P4HB: variants seen among roughly 807,000 people sequenced by gnomAD.
The protein encoded by P4HB is prolyl 4-hydroxylase subunit beta.
A neutral mutation model predicts 52.6 loss-of-function variants in P4HB; 20 were observed. That is an observed-to-expected ratio of 0.38 (90% CI 0.27 to 0.55). The LOEUF is 0.55. Among genes scored for constraint, P4HB ranks in the 20% least tolerant of loss-of-function variants. P4HB has a pLI of 0.74. For missense variants in P4HB, 601 were observed against 669.2 expected (o/e 0.90, Z 1.12); for synonymous variants, 296 against 277.9 (o/e 1.07, Z -0.65).
chr17:81,846,441 C>T lies in P4HB; in HGVS notation c.1044G>A (p.Glu348=). The change falls in exon 7 of 11, where the codon GAG becomes GAA. Residue 348 remains glutamate, a synonymous_variant. Coordinates refer to ENST00000331483, the MANE Select transcript of P4HB (RefSeq NM_000918.4). This position sits in a 1 kb window ranked among gnomAD's most constrained non-coding sequence, Gnocchi z 5.7. ...GACGCGCCTGCACCTTGATTTTGCC[C>T]TCCAGGAAGCGGTGGCAGAACTCTG... The part of the protein sequence containing the change: ...RITEFCHRFL[E]GKIKPHLMSQ... 6.2e-7 allele frequency: 1 copy of T among 1,613,440 alleles called. No individual in the cohort carries two copies. The highest frequency in any genetic ancestry group is 1.1e-5 in the South Asian group (1 of 91,086).
At chr17:81,860,199 G>T in intron 1 of P4HB, 128 bp downstream of exon 1, 1 of 769,988 alleles carries the variant, frequency 1.3e-6, no homozygotes, top group Non-Finnish European at 1.8e-6. Context: ...AAGGCGGGCA[G>T]CAAGGGAGCC....
intron 4 of P4HB, among the ~76,000 whole-genome samples, chr17:81,849,566 C>A: frequency 6.6e-6 from 1 of 152,146 alleles, no homozygotes; most frequent in African/African-American, 2.4e-5. Flanking sequence ...GTTTCTAATA[C>A]AACAGATCCT....
intron 10 of P4HB, among the ~76,000 whole-genome samples, chr17:81,844,708 C>T (rs535742015): frequency 7.9e-5 from 12 of 152,238 alleles, no homozygotes; most frequent in Non-Finnish European, 1.6e-4. Context: ...AGCCTTCCTG[C>T]TTCCCCGGCA....
chr17:81,845,480 T>A, intron 9 of P4HB, 81 bp downstream of exon 9: 1 of 1,387,404 alleles, frequency 7.2e-7, no homozygotes, highest in East Asian at 2.4e-5. Flanking sequence ...CCAGGCTCCT[T>A]CCAGAGAGGC....
At chr17:81,845,283 C>T in intron 9 of P4HB, 53 bp from the exon 10 acceptor site, 1 of 1,430,180 alleles carries the variant, frequency 7.0e-7, no homozygotes, top group Non-Finnish European at 9.8e-7. Context: ...GAGCCAATCT[C>T]CTGGCATTGG....
rs150091072 is a variant in P4HB, at chr17:81,855,455, T to C, written c.484A>G (p.Lys162Glu). 245 of 1,611,302 alleles carry C rather than the reference T, an allele frequency of 1.5e-4. No homozygotes were observed. The highest frequency in any genetic ancestry group is 2.1e-4 in the Non-Finnish European group (242 of 1,178,382). ...SSEVAVIGFFKDVESDSAKQF... is the reference protein window; with the variant it reads ...SSEVAVIGFFEDVESDSAKQF... ...GACTGGAATGCTCTGGTCTCTACCT[T>C]GAAGAAGCCGATGACAGCCACCTCG... Residue 162 changes from lysine to glutamate, a missense_variant and splice_region_variant, in exon 3 of 11, where the codon AAG becomes GAG. Transcript: ENST00000331483. The surrounding 1 kb of genome is among the most constrained non-coding windows in gnomAD (Gnocchi z 4.3).
chr17:81,847,355 CAGAA>C lies in P4HB; in HGVS notation c.625-12_625-9del. On this transcript the variant is annotated splice_polypyrimidine_tract_variant and intron_variant, in intron 4 of 10. Coordinates refer to ENST00000331483, the MANE Select transcript of P4HB (RefSeq NM_000918.4). Reference sequence around the variant, plus strand: ...GTTCCGGCCTTCATCAAACTGTGGACAGAAAGAGGGCCCTGACTGAGCATTGCTG... The same window carrying C: ...GTTCCGGCCTTCATCAAACTGTGGACAGAGGGCCCTGACTGAGCATTGCTG... 1 of 1,608,762 alleles carries C rather than the reference CAGAA, an allele frequency of 6.2e-7. No individual in the cohort carries two copies. Among genetic ancestry groups the C allele is most frequent in the South Asian group, 1.1e-5 (1 of 90,988 alleles).
Position 81,845,887 on chromosome 17 carries a change from G to C in P4HB, c.1161C>G (p.Asn387Lys). The change falls in exon 8 of 11, where the codon AAC (asparagine) becomes AAG (lysine). Residue 387 changes from asparagine to lysine, a missense_variant. Coordinates refer to ENST00000331483, the MANE Select transcript of P4HB (RefSeq NM_000918.4). ...FEDVAFDEKK[N>K]VFVEFYAPWC... ...AACACTTACAGAACTCCACAAAGAC[G>C]TTTTTTTTCTCATCAAAAGCCACGT... 6.2e-7 allele frequency: 1 copy of C among 1,613,728 alleles called. No individual in the cohort carries two copies. Among genetic ancestry groups the C allele is most frequent in the Non-Finnish European group, 8.5e-7 (1 of 1,179,924 alleles).
At chr17:81,845,502 C>T (rs1174789094) in intron 9 of P4HB, 59 bp downstream of exon 9, 9 of 1,479,026 alleles carry the variant, frequency 6.1e-6, no homozygotes, top group South Asian at 2.6e-5. Flanking sequence ...CCCAGGCTGG[C>T]GTGGGGACCA....
rs1428715339 is a variant in P4HB, at chr17:81,851,621, G to A, written c.624+3521C>T. Among the ~76,000 whole-genome samples the A allele has an allele frequency of 2.6e-5, 4 of 152,326 alleles. No homozygotes were observed. The South Asian group carries it at 8.3e-4, about 32-fold the overall frequency. ...GCACTGTGCCCAGGAGTAACGCCGGGCCGCAACTGCAGGCAAACGAAATCC... is the reference window on the plus strand; with the variant it reads ...GCACTGTGCCCAGGAGTAACGCCGGACCGCAACTGCAGGCAAACGAAATCC... On this transcript the variant is annotated intron_variant, in intron 4 of 10. Transcript: ENST00000331483.
Position 81,847,049 on chromosome 17 carries a change from A to G in P4HB, c.753T>C (p.Gly251=). 1 of 1,613,948 alleles carries G rather than the reference A, an allele frequency of 6.2e-7. No homozygotes were observed. The highest frequency in any genetic ancestry group is 1.1e-5 in the South Asian group (1 of 91,084). ...TEQTAPKIFG[G]EIKTHILLFL... ...ACAGCAGGATGTGAGTCTTGATTTC[A>G]CCTCCAAAAATCTTCGGGGCTGTCT... is the stretch of plus-strand genomic sequence containing the variant. Residue 251 remains glycine (G), a synonymous_variant, in exon 6 of 11, where the codon GGT becomes GGC. Coordinates refer to ENST00000331483, the MANE Select transcript of P4HB (RefSeq NM_000918.4).
chr17:81,850,945 T>G (rs924795230), intron 4 of P4HB, among the ~76,000 whole-genome samples: 3 of 151,906 alleles, frequency 2.0e-5, no homozygotes, highest in African/African-American at 7.3e-5. Context: ...ACCTTTTTTT[T>G]TTTTGAGACA....
At chr17:81,850,075 G>GCCT (rs2038804428) in intron 4 of P4HB, among the ~76,000 whole-genome samples, 2 of 151,314 alleles carry the variant, frequency 1.3e-5, no homozygotes, top group South Asian at 4.2e-4. Context: ...TGATCCACTT[G>GCCT]CCTCGGCCTC....
chr17:81,859,520 C>T, intron 1 of P4HB, 133 bp from the exon 2 acceptor site: 1 of 757,556 alleles, frequency 1.3e-6, no homozygotes, highest in Non-Finnish European at 2.2e-6. Flanking sequence ...ATAACCCCTC[C>T]TAACGCACAA....
chr17:81,848,506 T>G (rs1417217131), intron 4 of P4HB, among the ~76,000 whole-genome samples: 5 of 152,026 alleles, frequency 3.3e-5, no homozygotes, highest in Non-Finnish European at 7.4e-5. Context: ...GAGGCCAAGA[T>G]GGGTGGATCG....
intron 4 of P4HB, among the ~76,000 whole-genome samples, chr17:81,849,451 G>A (rs1441074083): frequency 1.3e-5 from 2 of 152,116 alleles, no homozygotes; most frequent in Admixed American, 6.6e-5. Flanking sequence ...AGCCCAGATC[G>A]TGCCACTGCA....
At position 81,846,362 on chromosome 17, in the gene P4HB, G is replaced by C. The variant is rs532739562; in HGVS notation, c.1056+67C>G. On this transcript the variant is annotated intron_variant, in intron 7 of 10. Coordinates refer to ENST00000331483, the MANE Select transcript of P4HB (RefSeq NM_000918.4). The surrounding 1 kb of genome is among the most constrained non-coding windows in gnomAD (Gnocchi z 5.7). ...TTGAGGACGAAGCCCAGGACACTGA[G>C]AGCCCAGAGACCCCAAGGTGGCGGC... 7 of 1,420,866 alleles carry C rather than the reference G, an allele frequency of 4.9e-6. No individual in the cohort carries two copies. Among genetic ancestry groups the C allele is most frequent in the South Asian group, 4.6e-5 (4 of 87,012 alleles). 88.0% of individuals were successfully genotyped at this position (1,420,866 alleles called of 1,614,324 possible). A position where few individuals can be genotyped will look rare whatever the true frequency, so the allele number is the denominator to read the frequency against.
chr17:81,851,284 T>C (rs2038827073), intron 4 of P4HB, among the ~76,000 whole-genome samples: 3 of 152,244 alleles, frequency 2.0e-5, no homozygotes, highest in Admixed American at 1.3e-4. Context: ...CCTTTCTTAC[T>C]GGCCGTTTCC....
rs200706040 is a variant in P4HB at position 81,859,278 on chromosome 17, C to A, written c.255G>T (p.Thr85=). Reference sequence around the variant, plus strand: ...ACTGCTGGGCCAGGTCAGACTCCTCCGTGGCGTCCACCTTGGCCAACCTGA... The same window carrying A: ...ACTGCTGGGCCAGGTCAGACTCCTCAGTGGCGTCCACCTTGGCCAACCTGA... ...SEIRLAKVDA[T]EESDLAQQYG... is the part of the protein sequence containing the mutation. Residue 85 remains threonine (T), a synonymous_variant, in exon 2 of 11, where the codon ACG becomes ACT. Transcript: ENST00000331483. 1.2e-6 allele frequency: 2 copies of A among 1,614,052 alleles called. No homozygotes were observed. The highest frequency in any genetic ancestry group is 1.6e-4 in the Middle Eastern group (1 of 6,062).
Sources: allele counts gnomAD v4.1 joint callset (sites outside exome capture counted in the v4.1 genomes callset), GRCh38; gene constraint gnomAD v4.1.1; non-coding constraint Gnocchi (gnomAD v3.1); transcripts MANE v1.5; gene names NCBI Gene and HGNC (gene_info 2026-07-23, HGNC 2026-07-21).